Variants in GOLPH3 observed in about 807,000 individuals in gnomAD.
GOLPH3 encodes the protein coat protein GPP34.
A neutral mutation model predicts 28.5 loss-of-function variants in GOLPH3; 14 were observed. That is an observed-to-expected ratio of 0.49 (90% confidence interval 0.32 to 0.77). GOLPH3 has a LOEUF of 0.77. Ranked by LOEUF, GOLPH3 falls within the 30% of genes least tolerant of loss-of-function variation. The pLI is 0.03. For missense variants in GOLPH3, 350 were observed against 393.7 expected, an observed-to-expected ratio of 0.89 and a Z score of 0.94; for synonymous variants, 158 against 159.2, an observed-to-expected ratio of 0.99 and a Z score of 0.06.
intron 1 of GOLPH3, among the ~76,000 whole-genome samples, chr5:32,159,608 T>A (rs1420463672): frequency 1.3e-5 from 2 of 152,230 alleles, no homozygotes; most frequent in Non-Finnish European, 2.9e-5. Flanking sequence ...AGTGGTTTTT[T>A]AAAGTATATT....
rs1316304497 is a variant in GOLPH3 at position 32,143,175 on chromosome 5, AT to A, written c.357+573del. Among the ~76,000 whole-genome samples, 10 of 152,318 alleles carry A rather than the reference AT, an allele frequency of 6.6e-5. No individual in the cohort carries two copies. In the East Asian group the frequency reaches 1.9e-3, roughly 29 times the overall value. On this transcript the variant is annotated intron_variant, in intron 2 of 3. Transcript: ENST00000265070. ...AACCCAACCCTGTGCTCTCTGAAAC[AT>A]GTGCTGTATCCACTCAGGGTTGAAT... is the stretch of plus-strand genomic sequence containing the variant.
At chr5:32,152,781 C>CA (rs1190659364) in intron 1 of GOLPH3, among the ~76,000 whole-genome samples, 106 of 118,240 alleles carry the variant, frequency 9.0e-4, no homozygotes, top group East Asian at 3.6e-3. Flanking sequence ...GACTCAGTCT[C>CA]AAAAAAAAAA....
chr5:32,165,532 T>C (rs994598094), intron 1 of GOLPH3, among the ~76,000 whole-genome samples: 7 of 151,798 alleles, frequency 4.6e-5, no homozygotes, highest in South Asian at 2.1e-4. Context: ...GAAGTGAGCA[T>C]AGATTGCACC....
chr5:32,145,927 A>G (rs1746172306), intron 1 of GOLPH3, among the ~76,000 whole-genome samples: 1 of 152,222 alleles, frequency 6.6e-6, no homozygotes. Context: ...AAGACACACC[A>G]AACAACAGAA....
chr5:32,128,484 C>G (rs949770225), intron 3 of GOLPH3, among the ~76,000 whole-genome samples: 1 of 152,040 alleles, frequency 6.6e-6, no homozygotes, highest in African/African-American at 2.4e-5. Context: ...ATGGTGAAAC[C>G]CCATCTCTTC....
rs533642289 is a variant in GOLPH3, at chr5:32,126,414, A to C, written c.695T>G (p.Met232Arg). Reference protein sequence around the residue: ...LDKWVNDPHRMDRRLLALIYL... With the variant: ...LDKWVNDPHRRDRRLLALIYL... ...AATGAGGGCCAGCAAGCGCCTGTCC[A>C]TGCGGTGAGGGTCATTCACCCATTT... The change falls in exon 4 of 4, where the codon ATG becomes AGG. Residue 232 changes from methionine to arginine, a missense_variant. Met to Arg is a moderately conservative substitution (Grantham distance 91, BLOSUM62 -1). Transcript: ENST00000265070. The C allele has an allele frequency of 6.2e-7, 1 of 1,614,210 alleles. No individual in the cohort carries two copies. Among genetic ancestry groups the C allele is most frequent in the Non-Finnish European group, 8.5e-7 (1 of 1,180,032 alleles).
intron 1 of GOLPH3, among the ~76,000 whole-genome samples, chr5:32,154,006 C>G (rs1316156143): frequency 1.3e-5 from 2 of 152,158 alleles, no homozygotes; most frequent in African/African-American, 2.4e-5. Flanking sequence ...AAGAAATTAT[C>G]AAAGGTTAAT....
intron 1 of GOLPH3, 50 bp downstream of exon 1, chr5:32,173,760 G>T (rs1328113170): frequency 7.9e-7 from 1 of 1,267,260 alleles, no homozygotes; most frequent in East Asian, 3.3e-5. Flanking sequence ...AGCTCACCTG[G>T]CGCCCGGGCC....
At chr5:32,168,648 C>T (rs1257701507) in intron 1 of GOLPH3, among the ~76,000 whole-genome samples, 3 of 152,094 alleles carry the variant, frequency 2.0e-5, no homozygotes, top group Non-Finnish European at 4.4e-5. Flanking sequence ...GCTCAAAGAA[C>T]CATGCCAAAG....
At chr5:32,170,138 A>T (rs1419446396) in intron 1 of GOLPH3, among the ~76,000 whole-genome samples, 1 of 152,236 alleles carries the variant, frequency 6.6e-6, no homozygotes, top group Non-Finnish European at 1.5e-5. Context: ...TGTTAAAAAT[A>T]AATTGGTAAG....
chr5:32,138,524 T>C (rs572434947), intron 2 of GOLPH3, among the ~76,000 whole-genome samples: 100 of 152,170 alleles, frequency 6.6e-4, no homozygotes, highest in Non-Finnish European at 1.1e-3. Context: ...CTCCTAATGC[T>C]ATCCCTCCCC....
intron 3 of GOLPH3, among the ~76,000 whole-genome samples, chr5:32,128,622 T>C (rs191455915): frequency 2.3e-3 from 348 of 151,536 alleles, no homozygotes; most frequent in Non-Finnish European, 3.9e-3. Flanking sequence ...GATCGTGCCA[T>C]TGCTCTCCAA....
intron 2 of GOLPH3, among the ~76,000 whole-genome samples, chr5:32,141,333 CAACA>C (rs1746055151): frequency 6.6e-6 from 1 of 152,074 alleles, no homozygotes; most frequent in Non-Finnish European, 1.5e-5. Flanking sequence ...AGAAACACAA[CAACA>C]AACTGGAAGA....
At chr5:32,141,537 CAA>C (rs780956307) in intron 2 of GOLPH3, among the ~76,000 whole-genome samples, 24 of 152,240 alleles carry the variant, frequency 1.6e-4, no homozygotes, top group Admixed American at 4.6e-4. Context: ...TTTTTAATGT[CAA>C]GTCTTTCAAA....
At chr5:32,157,978 AAAATAAAT>A (rs199592768) in intron 1 of GOLPH3, among the ~76,000 whole-genome samples, 1,256 of 38,628 alleles carry the variant, frequency 0.033, 171 homozygotes, top group African/African-American at 0.13. Flanking sequence ...ACTCTGTCTC[AAAATAAAT>A]AAATAAATAA....
At chr5:32,133,884 G>A (rs527322336) in intron 3 of GOLPH3, among the ~76,000 whole-genome samples, 2 of 152,332 alleles carry the variant, frequency 1.3e-5, no homozygotes, top group South Asian at 2.1e-4. Context: ...GTATAAGTCA[G>A]AGTTACTCTC....
intron 3 of GOLPH3, among the ~76,000 whole-genome samples, chr5:32,135,124 A>T (rs1203224176): frequency 6.6e-6 from 1 of 152,168 alleles, no homozygotes; most frequent in Non-Finnish European, 1.5e-5. Flanking sequence ...GTGCTATGGT[A>T]TTCCTCCTTT....
At chr5:32,132,034 T>C (rs964368142) in intron 3 of GOLPH3, among the ~76,000 whole-genome samples, 2 of 152,206 alleles carry the variant, frequency 1.3e-5, no homozygotes, top group Non-Finnish European at 2.9e-5. Flanking sequence ...CACATGCCTG[T>C]AGTCCCAGCT....
intron 3 of GOLPH3, among the ~76,000 whole-genome samples, chr5:32,132,250 CAA>C (rs1745840309): frequency 6.6e-6 from 1 of 152,118 alleles, no homozygotes; most frequent in Admixed American, 6.6e-5. Context: ...TAAAATTTAT[CAA>C]GAGTTTTAAC....
Sources: gnomAD v4.1 joint callset for allele counts (sites outside exome capture counted in the v4.1 genomes callset) on GRCh38, gnomAD v4.1.1 for gene constraint, MANE v1.5 for transcripts, NCBI Gene and HGNC (gene_info 2026-07-23, HGNC 2026-07-21) for gene names.